AGPAT5: variants seen among roughly 807,000 people sequenced by gnomAD.
The protein encoded by AGPAT5 is 1-acyl-sn-glycerol-3-phosphate acyltransferase epsilon.
Under a neutral mutation model 45.6 loss-of-function variants are expected in AGPAT5, and 46 were observed. The ratio of observed to expected loss-of-function variants is 1.01; its 90% CI spans 0.80 to 1.29. The LOEUF (loss-of-function observed/expected upper bound fraction) is 1.29. AGPAT5 is among the 50% of genes most tolerant of loss of function. The probability of loss-of-function intolerance (pLI) is 0.00; values close to 1 mark genes in which losing one functional copy is unlikely to be tolerated. For missense variants in AGPAT5, 673 were observed against 450.7 expected (o/e 1.49, Z -4.47); for synonymous variants, 272 against 167.0 (o/e 1.63, Z -4.85).
chr8:6,729,540 A>G (rs1357316009), intron 2 of AGPAT5, among the ~76,000 whole-genome samples: 1 of 152,118 alleles, frequency 6.6e-6, no homozygotes, highest in South Asian at 2.1e-4. Flanking sequence ...CTTTCTCATC[A>G]GGAGATAGTT....
chr8:6,720,047 C>T (rs1277632074), intron 1 of AGPAT5, among the ~76,000 whole-genome samples: 1 of 152,158 alleles, frequency 6.6e-6, no homozygotes, highest in African/African-American at 2.4e-5. Flanking sequence ...CTGTGAGAGA[C>T]ATTCTGGGGA....
At chr8:6,755,735 C>T (rs1291009666) in intron 7 of AGPAT5, among the ~76,000 whole-genome samples, 1 of 152,240 alleles carries the variant, frequency 6.6e-6, no homozygotes. Context: ...GCTCAAGAAA[C>T]TATCATTGTT....
chr8:6,724,605 C>T (rs1587013527), intron 1 of AGPAT5, among the ~76,000 whole-genome samples: 1 of 152,254 alleles, frequency 6.6e-6, no homozygotes, highest in East Asian at 1.9e-4. Flanking sequence ...ATATTGTTAG[C>T]AATCAATGAA....
At position 6,747,783 on chromosome 8, in the gene AGPAT5, G is replaced by A. The variant is rs1375413551; in HGVS notation, c.700G>A (p.Gly234Arg). 2 of 1,614,130 alleles carry A rather than the reference G, an allele frequency of 1.2e-6. No individual in the cohort carries two copies. The highest frequency in any genetic ancestry group is 1.7e-6 in the Non-Finnish European group (2 of 1,180,006). ...TTATGATGTTACGGTGGTTTATGAA[G>A]GGAAAGACGATGGAGGGCAGCGAAG... The part of the protein sequence containing the change: ...AIYDVTVVYE[G>R]KDDGGQRRES... Residue 234 changes from glycine (G) to arginine (R), a missense_variant, in exon 6 of 8, where the codon GGG becomes AGG. By Grantham distance (125) the Gly-to-Arg change is moderately radical. Coordinates refer to ENST00000285518, the MANE Select transcript of AGPAT5 (RefSeq NM_018361.5).
intron 2 of AGPAT5, among the ~76,000 whole-genome samples, chr8:6,727,941 T>C (rs1800741689): frequency 6.6e-6 from 1 of 152,176 alleles, no homozygotes; most frequent in Non-Finnish European, 1.5e-5. Flanking sequence ...ACAGAGGCTG[T>C]CTCCTAATCC....
chr8:6,756,741 C>G (rs1213211205), intron 7 of AGPAT5, among the ~76,000 whole-genome samples: 1 of 152,140 alleles, frequency 6.6e-6, no homozygotes, highest in Non-Finnish European at 1.5e-5. Flanking sequence ...GGACCAGCCC[C>G]CTGTCGATAC....
intron 2 of AGPAT5, among the ~76,000 whole-genome samples, chr8:6,730,302 C>A (rs2116895635): frequency 6.9e-6 from 1 of 145,762 alleles, no homozygotes; most frequent in Non-Finnish European, 1.5e-5. Context: ...AAATTTTAAA[C>A]ATCCTAATCA....
intron 4 of AGPAT5, among the ~76,000 whole-genome samples, chr8:6,741,370 A>G (rs150751435): frequency 1.0e-3 from 155 of 152,286 alleles, no homozygotes; most frequent in African/African-American, 3.5e-3. Context: ...TTCATGGCCT[A>G]TTTTTAATTA....
intron 4 of AGPAT5, among the ~76,000 whole-genome samples, chr8:6,736,143 C>T (rs1441361276): frequency 3.3e-5 from 5 of 152,154 alleles, no homozygotes; most frequent in African/African-American, 4.8e-5. Flanking sequence ...TGAGCCACCA[C>T]GCCCAGCCTT....
At chr8:6,748,432 T>C (rs1466922168) in intron 6 of AGPAT5, among the ~76,000 whole-genome samples, 75 of 152,198 alleles carry the variant, frequency 4.9e-4, no homozygotes, top group Admixed American at 4.9e-3. Context: ...GTGTGGAGTT[T>C]CTGTTTCCTT....
chr8:6,718,317 G>A lies in AGPAT5; in HGVS notation c.220-6553G>A, dbSNP rs114463582. ...TGGTAGAGCAGACATGCCGCTCCCC[G>A]TCACTGCCTGGCTTTGATGCTTGCT... On this transcript the variant is annotated intron_variant, in intron 1 of 7. Coordinates refer to ENST00000285518, the MANE Select transcript of AGPAT5 (RefSeq NM_018361.5). 9.2e-3 allele frequency among the ~76,000 whole-genome samples: 1,397 copies of A among 152,274 alleles called. 26 individuals carry two copies. Among genetic ancestry groups the A allele is most frequent in the African/African-American group, 0.031 (1,273 of 41,554 alleles).
intron 1 of AGPAT5, among the ~76,000 whole-genome samples, chr8:6,714,549 A>G (rs971661854): frequency 6.6e-6 from 1 of 152,198 alleles, no homozygotes; most frequent in South Asian, 2.1e-4. Context: ...TGATTTTTCT[A>G]TTTTAAAATC....
At chr8:6,714,209 A>G (rs1800247588) in intron 1 of AGPAT5, among the ~76,000 whole-genome samples, 1 of 152,236 alleles carries the variant, frequency 6.6e-6, no homozygotes, top group South Asian at 2.1e-4. Flanking sequence ...CTTATTTGCC[A>G]TTCATGTGAA....
In AGPAT5 at chr8:6,724,885, G is replaced by T; in HGVS notation, c.235G>T (p.Asp79Tyr). ...TATCTTTTAGATATTGCTATATGGA[G>T]ATTTGCCAAAAAATAAAGAAAATAT... is the stretch of plus-strand genomic sequence containing the variant. ...YTGVQILLYG[D>Y]LPKNKENIIY... Residue 79 changes from aspartate (D) to tyrosine (Y), a missense_variant, in exon 2 of 8, where the codon GAT (aspartate) becomes TAT (tyrosine). By Grantham distance (160) the Asp-to-Tyr change is radical. Transcript: ENST00000285518. 3 of 1,117,530 alleles carry T rather than the reference G, an allele frequency of 2.7e-6. No homozygotes were observed. Among genetic ancestry groups the T allele is most frequent in the Non-Finnish European group, 3.6e-6 (3 of 837,156 alleles). The allele number at this position is 1,117,530 out of a possible 1,614,324, so 69.2% of individuals were successfully genotyped here.
At chr8:6,747,948 G>C in intron 6 of AGPAT5, 120 bp downstream of exon 6, 18 of 1,026,542 alleles carry the variant, frequency 1.8e-5, no homozygotes, top group Non-Finnish European at 2.4e-5. Flanking sequence ...CATTTACCCG[G>C]TATATTTTTC....
chr8:6,754,659 A>C (rs1477386455), intron 6 of AGPAT5, among the ~76,000 whole-genome samples: 1 of 152,184 alleles, frequency 6.6e-6, no homozygotes, highest in African/African-American at 2.4e-5. Flanking sequence ...GTGACACACT[A>C]GGATGGGGCT....
At chr8:6,729,708 ACT>A (rs1197572876) in intron 2 of AGPAT5, among the ~76,000 whole-genome samples, 2 of 151,960 alleles carry the variant, frequency 1.3e-5, no homozygotes, top group South Asian at 2.1e-4. Flanking sequence ...GGCAAGGGCC[ACT>A]CTCTGTGTTG....
intron 4 of AGPAT5, among the ~76,000 whole-genome samples, chr8:6,737,129 T>C (rs554755273): frequency 6.6e-6 from 1 of 152,358 alleles, no homozygotes; most frequent in East Asian, 1.9e-4. Context: ...TTCCAGCCTT[T>C]TATGTTCCTA....
intron 2 of AGPAT5, among the ~76,000 whole-genome samples, chr8:6,727,989 G>T (rs993547458): frequency 6.6e-6 from 1 of 152,192 alleles, no homozygotes; most frequent in Non-Finnish European, 1.5e-5. Context: ...ATTTAAAAGT[G>T]GTTGTGATGA....
Sources: gnomAD v4.1 joint callset for allele counts (sites outside exome capture counted in the v4.1 genomes callset) on GRCh38, gnomAD v4.1.1 for gene constraint, MANE v1.5 for transcripts, NCBI Gene and HGNC (gene_info 2026-07-23, HGNC 2026-07-21) for gene names.